STRBP: variants seen among roughly 807,000 people sequenced by gnomAD.
STRBP encodes spermatid perinuclear RNA binding protein.
A neutral mutation model predicts 80.1 loss-of-function variants in STRBP; 13 were observed. That is an observed-to-expected ratio of 0.16 (90% CI 0.11 to 0.26). STRBP has a LOEUF of 0.26. Ranked by LOEUF, STRBP falls within the 10% of genes least tolerant of loss-of-function variation. STRBP has a pLI of 1.00. For missense variants in STRBP, 485 were observed against 815.2 expected (o/e 0.59, Z 4.93); for synonymous variants, 284 against 291.2 (o/e 0.98, Z 0.25).
intron 13 of STRBP, among the ~76,000 whole-genome samples, chr9:123,142,658 A>G (rs1391608073): frequency 6.6e-6 from 1 of 151,650 alleles, no homozygotes; most frequent in Non-Finnish European, 1.5e-5. Flanking sequence ...ACAAATCCTC[A>G]CTTGTCCATG....
rs1486562870 is a variant in STRBP at position 123,126,205 on chromosome 9, C to G, written c.1943-532G>C. Among the ~76,000 whole-genome samples, 1 of 152,236 alleles carries G rather than the reference C, an allele frequency of 6.6e-6. No individual in the cohort carries two copies. The highest frequency in any genetic ancestry group is 1.5e-5 in the Non-Finnish European group (1 of 68,044). On this transcript the variant is annotated intron_variant, in intron 18 of 18. Transcript: ENST00000348403. This position sits in a 1 kb window ranked among gnomAD's most constrained non-coding sequence, Gnocchi z 4.4. ...TAATTAATACGTTCTTGTGGCCTCA[C>G]AGACTTCTGCATAGTCGAGCATGAT...
At chr9:123,222,026 A>AT (rs1425268667) in intron 2 of STRBP, among the ~76,000 whole-genome samples, 2 of 152,070 alleles carry the variant, frequency 1.3e-5, no homozygotes, top group African/African-American at 2.4e-5. Context: ...CAAAAAGGTG[A>AT]TTTTCTCATT....
At chr9:123,259,413 A>T (rs1171209931) in intron 1 of STRBP, among the ~76,000 whole-genome samples, 1 of 152,192 alleles carries the variant, frequency 6.6e-6, no homozygotes, top group Non-Finnish European at 1.5e-5. Context: ...TAGAGATAAA[A>T]ATTTGAGAGT....
At chr9:123,130,649 C>T (rs528379587) in intron 17 of STRBP, among the ~76,000 whole-genome samples, 2 of 152,186 alleles carry the variant, frequency 1.3e-5, no homozygotes, top group Non-Finnish European at 2.9e-5. Flanking sequence ...CAATAATACA[C>T]TGAATAAGGC....
At chr9:123,198,402 T>G (rs1048062580) in intron 2 of STRBP, among the ~76,000 whole-genome samples, 3 of 152,272 alleles carry the variant, frequency 2.0e-5, no homozygotes, top group African/African-American at 7.2e-5. Context: ...CCTTCCAAAG[T>G]TCTGGGATTA....
chr9:123,153,932 C>T (rs1296203200), intron 11 of STRBP, among the ~76,000 whole-genome samples: 2 of 152,152 alleles, frequency 1.3e-5, no homozygotes, highest in Non-Finnish European at 2.9e-5. Flanking sequence ...AGAACAAAGA[C>T]AGCTGAGGAG....
intron 2 of STRBP, among the ~76,000 whole-genome samples, chr9:123,228,183 C>T (rs2040298060): frequency 6.6e-6 from 1 of 152,030 alleles, no homozygotes; most frequent in Non-Finnish European, 1.5e-5. Flanking sequence ...ATGGGTGGCA[C>T]ATATTTTTAA....
chr9:123,237,804 A>T (rs940722354), intron 1 of STRBP, among the ~76,000 whole-genome samples: 3 of 152,192 alleles, frequency 2.0e-5, no homozygotes, highest in African/African-American at 7.2e-5. Context: ...ATAAAATCCC[A>T]AACAGGCACA....
intron 1 of STRBP, among the ~76,000 whole-genome samples, chr9:123,251,742 A>G (rs898411504): frequency 3.3e-5 from 5 of 152,252 alleles, no homozygotes; most frequent in African/African-American, 1.2e-4. Flanking sequence ...AACAATGCAA[A>G]TAATGGGGAA....
At chr9:123,188,514 C>T (rs911256625) in intron 2 of STRBP, among the ~76,000 whole-genome samples, 17 of 151,926 alleles carry the variant, frequency 1.1e-4, no homozygotes, top group Admixed American at 3.3e-4. Context: ...TGGTGGTGGG[C>T]GCCTGTAGTC....
chr9:123,181,740 C>G (rs910965516), intron 3 of STRBP, among the ~76,000 whole-genome samples: 3 of 128,868 alleles, frequency 2.3e-5, no homozygotes, highest in Admixed American at 1.9e-4. Context: ...GCGGAGGTTG[C>G]AGTGAGCTGA....
chr9:123,219,691 G>A (rs1298609053), intron 2 of STRBP, among the ~76,000 whole-genome samples: 2 of 152,200 alleles, frequency 1.3e-5, no homozygotes, highest in African/African-American at 4.8e-5. Context: ...AGGCTTTGAT[G>A]TCTCACAGAC....
chr9:123,161,152 AG>A, intron 6 of STRBP, 84 bp from the exon 7 acceptor site: 1 of 1,079,372 alleles, frequency 9.3e-7, no homozygotes. Context: ...AAAAATAAAA[AG>A]AATAACAGCA....
At chr9:123,182,050 A>C (rs1311306990) in intron 3 of STRBP, among the ~76,000 whole-genome samples, 4 of 151,328 alleles carry the variant, frequency 2.6e-5, no homozygotes, top group African/African-American at 9.7e-5. Flanking sequence ...CCCTATCTCT[A>C]CTAAAAATAC....
chr9:123,206,906 A>G (rs1042849804), intron 2 of STRBP, among the ~76,000 whole-genome samples: 8 of 152,118 alleles, frequency 5.3e-5, no homozygotes, highest in Non-Finnish European at 1.2e-4. Context: ...CCAAAGTGCT[A>G]GAATTACAGG....
At chr9:123,191,800 T>C (rs2038936208) in intron 2 of STRBP, among the ~76,000 whole-genome samples, 1 of 152,212 alleles carries the variant, frequency 6.6e-6, no homozygotes, top group Non-Finnish European at 1.5e-5. Flanking sequence ...AGGGCCCTTC[T>C]GGTCACTTTG....
chr9:123,169,827 A>T, intron 6 of STRBP, 75 bp downstream of exon 6: 1 of 909,060 alleles, frequency 1.1e-6, no homozygotes, highest in Non-Finnish European at 1.4e-6. Flanking sequence ...AACATTGTTA[A>T]CATAGCTTTT....
intron 3 of STRBP, among the ~76,000 whole-genome samples, chr9:123,182,838 C>G (rs1041817351): frequency 3.3e-5 from 5 of 151,792 alleles, no homozygotes; most frequent in Non-Finnish European, 7.4e-5. Context: ...AAAGCAAAAC[C>G]CTGTCTCTAC....
At chr9:123,111,721 C>G (rs569775160) in intron 3 of STRBP, 59 of 399,706 alleles carry the variant, frequency 1.5e-4, no homozygotes, top group African/African-American at 1.2e-3. Flanking sequence ...CCATCTGTGC[C>G]GGCTCCAGTT....
Sources: allele counts gnomAD v4.1 joint callset (sites outside exome capture counted in the v4.1 genomes callset), GRCh38; gene constraint gnomAD v4.1.1; non-coding constraint Gnocchi (gnomAD v3.1); transcripts MANE v1.5; gene names NCBI Gene and HGNC (gene_info 2026-07-23, HGNC 2026-07-21).